The following MAP2 variants were observed in gnomAD, a reference collection of about 807,000 sequenced individuals.
MAP2 encodes microtubule-associated protein 2.
Under a neutral mutation model 137.6 loss-of-function variants are expected in MAP2, and 14 were observed. That is an observed-to-expected ratio of 0.10 (90% confidence interval 0.07 to 0.16). The LOEUF is 0.16. Ranked by LOEUF, MAP2 falls within the 10% of genes least tolerant of loss-of-function variation. MAP2 has a pLI of 1.00. For synonymous variants in MAP2, 786 were observed against 782.3 expected (o/e 1.00, Z -0.08); for missense variants, 2,088 against 2,191.5 (o/e 0.95, Z 0.94).
At chr2:209,580,373 TG>T (rs549645123) in intron 3 of MAP2, among the ~76,000 whole-genome samples, 8 of 152,314 alleles carry the variant, frequency 5.3e-5, no homozygotes, top group South Asian at 4.1e-4. Context: ...ATCATTGTAA[TG>T]TTTTTTTTAA....
intron 2 of MAP2, among the ~76,000 whole-genome samples, chr2:209,520,835 T>C (rs948050944): frequency 1.3e-5 from 2 of 152,060 alleles, no homozygotes; most frequent in African/African-American, 4.8e-5. Flanking sequence ...TAAATTCTAT[T>C]GTGTATTAAT....
chr2:209,730,772 T>A lies in MAP2; in HGVS notation c.*375T>A, dbSNP rs2075683139. 5.8e-6 allele frequency: 1 copy of A among 171,008 alleles called. No homozygotes were observed. Among genetic ancestry groups the A allele is most frequent in the Non-Finnish European group, 1.3e-5 (1 of 79,692 alleles). 10.6% of individuals were successfully genotyped at this position (171,008 alleles called of 1,614,324 possible). A position where few individuals can be genotyped will look rare whatever the true frequency, so the allele number is the denominator to read the frequency against. On this transcript the variant is annotated 3_prime_UTR_variant, in exon 16 of 16. Coordinates refer to ENST00000682079, the MANE Select transcript of MAP2 (RefSeq NM_001375505.1). Reference sequence around the variant, plus strand: ...GCTGCTCATTTCACTATTCTGTTTCTGAGTGAGAAGATAAAAACTGCCCAT... The same window carrying A: ...GCTGCTCATTTCACTATTCTGTTTCAGAGTGAGAAGATAAAAACTGCCCAT...
At position 209,694,960 on chromosome 2, in the gene MAP2, T is replaced by C. The variant is rs769967268; in HGVS notation, c.2790T>C (p.Ser930=). ...AAAGRVKDEF[S]VDKEASAHIS... ...CCGGAAGAGTCAAAGATGAGTTCAG[T>C]GTTGACAAAGAAGCATCCGCGCATA... Residue 930 remains serine, a synonymous_variant, in exon 8 of 16, where the codon AGT becomes AGC. Coordinates refer to ENST00000682079, the MANE Select transcript of MAP2 (RefSeq NM_001375505.1). 3.7e-6 allele frequency: 6 copies of C among 1,613,992 alleles called. No homozygotes were observed. In the African/African-American group the frequency reaches 8.0e-5, roughly 22 times the overall value.
At chr2:209,429,352 T>G (rs886096035) in intron 1 of MAP2, among the ~76,000 whole-genome samples, 2 of 151,324 alleles carry the variant, frequency 1.3e-5, no homozygotes, top group South Asian at 4.2e-4. Flanking sequence ...ATTATTTTGT[T>G]CATCAGACAC....
intron 1 of MAP2, among the ~76,000 whole-genome samples, chr2:209,492,057 CA>C (rs2059177553): frequency 6.6e-6 from 1 of 152,196 alleles, no homozygotes; most frequent in Non-Finnish European, 1.5e-5. Flanking sequence ...TAAATACTGG[CA>C]AACCAAATCC....
At chr2:209,640,628 C>T (rs988068534) in intron 4 of MAP2, among the ~76,000 whole-genome samples, 5 of 151,542 alleles carry the variant, frequency 3.3e-5, no homozygotes, top group Admixed American at 1.3e-4. Flanking sequence ...AATTTGAACA[C>T]GTTAGAGACA....
intron 1 of MAP2, among the ~76,000 whole-genome samples, chr2:209,442,174 A>C (rs1390128719): frequency 1.3e-5 from 2 of 151,560 alleles, no homozygotes; most frequent in East Asian, 3.9e-4. Context: ...TCATTTAACT[A>C]TTTCTATTAA....
At chr2:209,705,446 A>C in intron 11 of MAP2, 134 bp from the exon 12 acceptor site, 1 of 596,348 alleles carries the variant, frequency 1.7e-6, no homozygotes, top group South Asian at 4.1e-5. Context: ...ATGTTTATAA[A>C]TATATGAAAT....
intron 5 of MAP2, among the ~76,000 whole-genome samples, chr2:209,662,331 A>C (rs1389340834): frequency 6.6e-6 from 1 of 152,208 alleles, no homozygotes; most frequent in Admixed American, 6.5e-5. Flanking sequence ...AAATGTCAGA[A>C]CTACATCACA....
At position 209,434,852 on chromosome 2, in the gene MAP2, A is replaced by ATATATATGT. The variant is rs1559157006; in HGVS notation, c.-222+10583_-222+10584insGTTATATAT. Among the ~76,000 whole-genome samples the ATATATATGT allele has an allele frequency of 1.0e-4, 10 of 95,340 alleles. 1 individual carries two copies. Among genetic ancestry groups the ATATATATGT allele is most frequent in the African/African-American group, 2.3e-4 (3 of 12,788 alleles). The allele number at this position is 95,340 out of a possible 152,430, so 62.5% of individuals were successfully genotyped here. On this transcript the variant is annotated intron_variant, in intron 1 of 15. Transcript: ENST00000682079. ...CTCTCTCTATATATATATATATGTT[A>ATATATATGT]TATATATATGTTATATATATGTTAT...
intron 3 of MAP2, among the ~76,000 whole-genome samples, chr2:209,589,285 T>C (rs190434924): frequency 5.4e-4 from 83 of 152,312 alleles, no homozygotes; most frequent in Non-Finnish European, 1.0e-3. Flanking sequence ...TTATTATATT[T>C]GGTATAGATG....
At chr2:209,706,383 G>A (rs1013202962) in intron 12 of MAP2, among the ~76,000 whole-genome samples, 3 of 151,994 alleles carry the variant, frequency 2.0e-5, no homozygotes, top group African/African-American at 7.2e-5. Flanking sequence ...AACCAAAATA[G>A]CTACCGTTTA....
intron 7 of MAP2, among the ~76,000 whole-genome samples, chr2:209,688,936 A>G (rs1318546087): frequency 1.3e-5 from 2 of 152,202 alleles, no homozygotes; most frequent in African/African-American, 4.8e-5. Context: ...TGATAAAGAA[A>G]TATAACCCCT....
chr2:209,528,919 C>CATACATATATATACATACATATGTACAT, intron 2 of MAP2, among the ~76,000 whole-genome samples: 1 of 146,428 alleles, frequency 6.8e-6, no homozygotes, highest in Non-Finnish European at 1.5e-5. Flanking sequence ...TATATACACA[C>CATACATATATATACATACATATGTACAT]ATACATATAT....
chr2:209,708,721 G>A (rs2153751911), intron 12 of MAP2, among the ~76,000 whole-genome samples: 1 of 152,202 alleles, frequency 6.6e-6, no homozygotes, highest in South Asian at 2.1e-4. Context: ...TACTTAAGCA[G>A]CAGTAAAAAA....
chr2:209,454,203 G>A lies in MAP2; in HGVS notation c.-222+29927G>A, dbSNP rs570382169. Among the ~76,000 whole-genome samples the A allele has an allele frequency of 3.4e-5, 5 of 145,444 alleles. No homozygotes were observed. In the South Asian group the frequency reaches 1.1e-3, roughly 32 times the overall value. ...TAGAGGACAAATTTTAATGCAATTA[G>A]CTCAGCCCAGGAGAGAGTGAAAAAG... On this transcript the variant is annotated intron_variant, in intron 1 of 15. Coordinates refer to ENST00000682079, the MANE Select transcript of MAP2 (RefSeq NM_001375505.1).
chr2:209,604,671 A>G (rs1289638826), intron 3 of MAP2, among the ~76,000 whole-genome samples: 2 of 152,204 alleles, frequency 1.3e-5, no homozygotes, highest in African/African-American at 2.4e-5. Flanking sequence ...ACACATAGGC[A>G]GGCCCAAACC....
chr2:209,716,353 A>G (rs1052856556), intron 13 of MAP2, among the ~76,000 whole-genome samples: 10 of 152,174 alleles, frequency 6.6e-5, no homozygotes, highest in African/African-American at 2.4e-4. Context: ...TTTTAGTGAC[A>G]CCGTTGAATG....
At position 209,730,605 on chromosome 2, in the gene MAP2, T is replaced by C. The variant is rs1029574463; in HGVS notation, c.*208T>C. Reference sequence around the variant, plus strand: ...ATTTCCATTTGCAACAGGAAGACACTGGCTTTACATGGGTTCAATTGGACA... The same window carrying C: ...ATTTCCATTTGCAACAGGAAGACACCGGCTTTACATGGGTTCAATTGGACA... On this transcript the variant is annotated 3_prime_UTR_variant, in exon 16 of 16. Transcript: ENST00000682079. 2 of 555,584 alleles carry C rather than the reference T, an allele frequency of 3.6e-6. No individual in the cohort carries two copies. The highest frequency in any genetic ancestry group is 3.1e-5 in the East Asian group (1 of 32,336). The allele number at this position is 555,584 out of a possible 1,614,324, so 34.4% of individuals were successfully genotyped here. A position where few individuals can be genotyped will look rare whatever the true frequency, so the allele number is the denominator to read the frequency against.
Sources: allele counts gnomAD v4.1 joint callset (sites outside exome capture counted in the v4.1 genomes callset), GRCh38; gene constraint gnomAD v4.1.1; transcripts MANE v1.5; gene names NCBI Gene and HGNC (gene_info 2026-07-23, HGNC 2026-07-21).